RBFOX1: variants seen among roughly 807,000 people sequenced by gnomAD.
RBFOX1 encodes the protein RNA binding protein fox-1 homolog 1.
RBFOX1 carries 8 observed loss-of-function variants against 57.7 expected under a neutral mutation model. The observed-to-expected ratio is 0.14, with a 90% confidence interval of 0.08 to 0.25. RBFOX1 has a LOEUF of 0.25. RBFOX1 is among the 10% of genes least tolerant of loss of function. The pLI is 1.00. For synonymous variants in RBFOX1, 326 were observed against 222.4 expected (o/e 1.47, Z -4.15); for missense variants, 611 against 548.5 (o/e 1.11, Z -1.14).
At chr16:5,945,877 C>T (rs575977592) in intron 4 of RBFOX1, among the ~76,000 whole-genome samples, 41 of 152,134 alleles carry the variant, frequency 2.7e-4, no homozygotes, top group Non-Finnish European at 4.6e-4. Context: ...ATTTCAAAGC[C>T]CCTCCCACAG....
chr16:5,261,780 G>T (rs2062740207), intron 1 of RBFOX1, among the ~76,000 whole-genome samples: 1 of 152,110 alleles, frequency 6.6e-6, no homozygotes, highest in African/African-American at 2.4e-5. Context: ...TCGATCTCCT[G>T]ACCTCGTGAT....
chr16:7,014,966 T>C (rs1031079868), intron 3 of RBFOX1, among the ~76,000 whole-genome samples: 2 of 152,170 alleles, frequency 1.3e-5, no homozygotes, highest in African/African-American at 4.8e-5. Flanking sequence ...CGTTGTGATA[T>C]ACCCGCCTGG....
downstream of RBFOX1, among the ~76,000 whole-genome samples, chr16:5,604,859 C>T (rs145564912): frequency 6.6e-6 from 1 of 152,256 alleles, no homozygotes; most frequent in African/African-American, 2.4e-5. Flanking sequence ...GTCATCTGGA[C>T]GTCTTAACTT....
intron 4 of RBFOX1, among the ~76,000 whole-genome samples, chr16:7,111,868 C>T (rs1431718630): frequency 6.6e-6 from 1 of 151,732 alleles, no homozygotes. Context: ...ATAAATTGAT[C>T]AGTTGAATTG....
At chr16:6,128,968 A>G (rs1180949922) in intron 1 of RBFOX1, among the ~76,000 whole-genome samples, 1 of 152,216 alleles carries the variant, frequency 6.6e-6, no homozygotes, top group Non-Finnish European at 1.5e-5. Context: ...CCCACCTGAC[A>G]AAGGATAAAA....
chr16:5,240,040 G>C (rs774742473), exon 1 of RBFOX1: 31 of 1,530,666 alleles, frequency 2.0e-5, no homozygotes, highest in South Asian at 8.3e-5. Context: ...CTGCGAGGAC[G>C]GGAAGGACGC....
chr16:6,547,081 T>G (rs1296472436), intron 2 of RBFOX1, among the ~76,000 whole-genome samples: 1 of 152,238 alleles, frequency 6.6e-6, no homozygotes, highest in African/African-American at 2.4e-5. Context: ...CAGAAATGTG[T>G]TCTTCCCCTG....
intron 1 of RBFOX1, among the ~76,000 whole-genome samples, chr16:6,298,186 C>T (rs2078361935): frequency 6.6e-6 from 1 of 152,184 alleles, no homozygotes; most frequent in African/African-American, 2.4e-5. Context: ...GGGGTTTGAG[C>T]AGTGGCAGCA....
chr16:7,701,812 T>G (rs1365062158), intron 14 of RBFOX1, among the ~76,000 whole-genome samples: 1 of 152,218 alleles, frequency 6.6e-6, no homozygotes, highest in Non-Finnish European at 1.5e-5. Flanking sequence ...CAGTTGACCC[T>G]TGTAGAGTGA....
In RBFOX1 at chr16:5,566,073, C is replaced by T. The variant is rs182307557; in HGVS notation, c.259-32829C>T. 3.4e-3 allele frequency among the ~76,000 whole-genome samples: 518 copies of T among 152,222 alleles called. 4 individuals carry two copies. The highest frequency in any genetic ancestry group is 0.012 in the African/African-American group (494 of 41,526). On this transcript the variant is annotated intron_variant, in intron 2 of 2. Transcript: ENST00000585867. ...CATATGAGATGTGACTTTCGCCTTTCGCCATGATTATGAGGCCTCCCCAGC... is the reference window on the plus strand; with the variant it reads ...CATATGAGATGTGACTTTCGCCTTTTGCCATGATTATGAGGCCTCCCCAGC...
At chr16:6,164,431 A>G (rs375667169) in intron 1 of RBFOX1, among the ~76,000 whole-genome samples, 54 of 150,906 alleles carry the variant, frequency 3.6e-4, no homozygotes, top group African/African-American at 1.2e-3. Flanking sequence ...GTTAGAAGTG[A>G]TGTTTTCCAC....
At chr16:5,381,224 G>C (rs146670360) in intron 1 of RBFOX1, among the ~76,000 whole-genome samples, 1 of 152,188 alleles carries the variant, frequency 6.6e-6, no homozygotes, top group Non-Finnish European at 1.5e-5. Flanking sequence ...AAAAGGCAGG[G>C]CAGACCCTAT....
chr16:6,221,406 A>T (rs1247578843), intron 1 of RBFOX1, among the ~76,000 whole-genome samples: 1 of 152,184 alleles, frequency 6.6e-6, no homozygotes, highest in African/African-American at 2.4e-5. Flanking sequence ...TTGTGTTTTA[A>T]CAATTCAGCT....
At chr16:7,083,095 A>G (rs994313989) in intron 4 of RBFOX1, among the ~76,000 whole-genome samples, 5 of 152,200 alleles carry the variant, frequency 3.3e-5, no homozygotes, top group Non-Finnish European at 5.9e-5. Flanking sequence ...GCTCATTTCA[A>G]GGAACAAGGT....
At chr16:6,294,996 A>G (rs1223232574) in intron 1 of RBFOX1, among the ~76,000 whole-genome samples, 1 of 151,982 alleles carries the variant, frequency 6.6e-6, no homozygotes, top group African/African-American at 2.4e-5. Flanking sequence ...TAGGATAGTA[A>G]TCAGCATTGT....
intron 4 of RBFOX1, among the ~76,000 whole-genome samples, chr16:7,370,003 C>T (rs75029579): frequency 0.028 from 4,280 of 152,234 alleles, 196 homozygotes; most frequent in African/African-American, 0.093. Context: ...TCCCAGAATT[C>T]ATACTTTTTA....
At chr16:7,009,614 C>G (rs1001008829) in intron 3 of RBFOX1, among the ~76,000 whole-genome samples, 2 of 152,068 alleles carry the variant, frequency 1.3e-5, no homozygotes, top group African/African-American at 4.8e-5. Context: ...AATGGAGAAG[C>G]TGATGTATAG....
intron 3 of RBFOX1, among the ~76,000 whole-genome samples, chr16:5,661,811 A>C (rs1183418632): frequency 6.6e-6 from 1 of 151,992 alleles, no homozygotes; most frequent in Non-Finnish European, 1.5e-5. Context: ...TTTGAGATGG[A>C]GTCTCACTCT....
At chr16:6,112,987 G>A (rs1052434238) in intron 1 of RBFOX1, among the ~76,000 whole-genome samples, 30 of 152,152 alleles carry the variant, frequency 2.0e-4, no homozygotes, top group African/African-American at 7.2e-4. Context: ...TTGAAGCCAA[G>A]AAAAATGTAT....
Sources: gnomAD v4.1 joint callset for allele counts (sites outside exome capture counted in the v4.1 genomes callset) on GRCh38, gnomAD v4.1.1 for gene constraint, MANE v1.5 for transcripts, NCBI Gene and HGNC (gene_info 2026-07-23, HGNC 2026-07-21) for gene names.